Variants in AUTS2 observed in about 807,000 individuals in gnomAD.
The protein encoded by AUTS2 is activator of transcription and developmental regulator AUTS2.
Under a neutral mutation model 112.4 loss-of-function variants are expected in AUTS2, and 17 were observed. The observed-to-expected ratio is 0.15, with a 90% confidence interval of 0.10 to 0.23. AUTS2 has a LOEUF of 0.23. Among genes scored for constraint, AUTS2 ranks in the 10% least tolerant of loss-of-function variants. The pLI, the probability that AUTS2 is intolerant of heterozygous loss-of-function variation, is 1.00. For synonymous variants in AUTS2, 751 were observed against 702.7 expected, an observed-to-expected ratio of 1.07 and a Z score of -1.09; for missense variants, 1,510 against 1,701.6, an observed-to-expected ratio of 0.89 and a Z score of 1.98.
chr7:70,768,210 G>A, intron 10 of AUTS2, 142 bp downstream of exon 10: 2 of 778,332 alleles, frequency 2.6e-6, no homozygotes, highest in Non-Finnish European at 2.0e-6. Context: ...TTGGATGCTT[G>A]CTTTTGTGGT....
intron 1 of AUTS2, among the ~76,000 whole-genome samples, chr7:69,677,529 G>T (rs953515232): frequency 6.6e-6 from 1 of 152,152 alleles, no homozygotes; most frequent in Non-Finnish European, 1.5e-5. Flanking sequence ...ATGGTATCTT[G>T]TCCTTAACAA....
chr7:70,273,325 AT>A (rs1787779476), intron 4 of AUTS2, among the ~76,000 whole-genome samples: 1 of 152,316 alleles, frequency 6.6e-6, no homozygotes, highest in East Asian at 1.9e-4. Context: ...TGTCTGATTT[AT>A]AATACAACAT....
intron 6 of AUTS2, among the ~76,000 whole-genome samples, chr7:70,716,805 C>G (rs139394568): frequency 2.0e-5 from 3 of 152,156 alleles, no homozygotes; most frequent in African/African-American, 7.2e-5. Flanking sequence ...GGGCGGCAGG[C>G]TGTCAGTGTG....
At chr7:70,757,534 G>A (rs541369293) in intron 6 of AUTS2, among the ~76,000 whole-genome samples, 5 of 152,218 alleles carry the variant, frequency 3.3e-5, no homozygotes, top group African/African-American at 1.2e-4. Flanking sequence ...TTTTGGGAGG[G>A]GAGGTGAAGG....
chr7:70,769,785 C>T (rs1790218902), intron 10 of AUTS2, among the ~76,000 whole-genome samples: 1 of 152,184 alleles, frequency 6.6e-6, no homozygotes, highest in African/African-American at 2.4e-5. Flanking sequence ...GCATATTCTA[C>T]AGTCCTAGGC....
At chr7:69,781,915 C>G (rs1789158907) in intron 1 of AUTS2, among the ~76,000 whole-genome samples, 1 of 152,178 alleles carries the variant, frequency 6.6e-6, no homozygotes, top group Admixed American at 6.5e-5. Context: ...AACATGGGCT[C>G]TCTAGCAGAA....
At chr7:70,417,430 C>A (rs1418814792) in intron 4 of AUTS2, among the ~76,000 whole-genome samples, 1 of 152,154 alleles carries the variant, frequency 6.6e-6, no homozygotes, top group Admixed American at 6.5e-5. Context: ...AGAAGCACAG[C>A]GAGGCAATTT....
intron 1 of AUTS2, among the ~76,000 whole-genome samples, chr7:69,686,056 T>TC (rs1380736346): frequency 6.6e-6 from 1 of 152,198 alleles, no homozygotes; most frequent in African/African-American, 2.4e-5. Context: ...ATATTAGACT[T>TC]CATGTATGGA....
intron 4 of AUTS2, among the ~76,000 whole-genome samples, chr7:70,411,856 G>A (rs957583192): frequency 1.3e-4 from 20 of 151,574 alleles, no homozygotes; most frequent in Non-Finnish European, 2.5e-4. Flanking sequence ...GGACAAAACA[G>A]CCAACGCTGC....
At chr7:70,089,656 A>G (rs974452760) in intron 2 of AUTS2, among the ~76,000 whole-genome samples, 4 of 151,838 alleles carry the variant, frequency 2.6e-5, no homozygotes, top group Non-Finnish European at 4.4e-5. Context: ...ATTTTTTCCT[A>G]TGTTCCTCTG....
At chr7:69,984,648 T>C (rs900030358) in intron 2 of AUTS2, among the ~76,000 whole-genome samples, 3 of 152,180 alleles carry the variant, frequency 2.0e-5, no homozygotes, top group African/African-American at 7.2e-5. Context: ...CTGAGAACAG[T>C]ATCCACTGCC....
intron 5 of AUTS2, among the ~76,000 whole-genome samples, chr7:70,542,759 G>C (rs951641030): frequency 3.3e-5 from 5 of 152,202 alleles, no homozygotes; most frequent in Admixed American, 3.3e-4. Flanking sequence ...GAGGCACACA[G>C]TTATACTGAG....
At chr7:70,235,679 T>G (rs1259584693) in intron 4 of AUTS2, among the ~76,000 whole-genome samples, 2 of 150,680 alleles carry the variant, frequency 1.3e-5, no homozygotes, top group African/African-American at 4.9e-5. Context: ...TGAGACAGAG[T>G]CTCACACTGT....
At chr7:70,292,806 T>A (rs1788768133) in intron 4 of AUTS2, 1 of 152,188 alleles carries the variant, frequency 6.6e-6, no homozygotes, top group South Asian at 2.1e-4. Flanking sequence ...AAAATGGTAT[T>A]CCTTTGAGTG....
chr7:69,673,725 C>T (rs984090549), intron 1 of AUTS2, among the ~76,000 whole-genome samples: 2 of 152,178 alleles, frequency 1.3e-5, no homozygotes, highest in Admixed American at 1.3e-4. Context: ...ACTTTGCCAA[C>T]TAATAGTACT....
In AUTS2 at chr7:70,414,235, T is replaced by A. The variant is rs78337495; in HGVS notation, c.661-21517T>A. On this transcript the variant is annotated intron_variant, in intron 4 of 18. Coordinates refer to ENST00000342771, the MANE Select transcript of AUTS2 (RefSeq NM_015570.4). ...TCCCCAATGCTCCCTAAAGCTAAGT[T>A]CATTGGCCCATCATGTAGAGTAATG... Among the ~76,000 whole-genome samples the A allele has an allele frequency of 6.8e-3, 1,043 of 152,302 alleles. 17 individuals are homozygous for A. The highest frequency in any genetic ancestry group is 0.024 in the African/African-American group (1,006 of 41,556).
chr7:69,919,302 G>C (rs191772663), intron 2 of AUTS2, among the ~76,000 whole-genome samples: 1 of 152,206 alleles, frequency 6.6e-6, no homozygotes, highest in African/African-American at 2.4e-5. Flanking sequence ...ATCTGTTAAG[G>C]TTCCTCTTTC....
intron 5 of AUTS2, among the ~76,000 whole-genome samples, chr7:70,671,184 AAAAAACAAACAAAC>A (rs948020357): frequency 1.6e-4 from 24 of 152,192 alleles, no homozygotes; most frequent in African/African-American, 5.1e-4. Context: ...ACTCCGTCTC[AAAAAACAAACAAAC>A]AAAAACAAAC....
At chr7:70,555,025 G>A (rs559476696) in intron 5 of AUTS2, among the ~76,000 whole-genome samples, 1 of 152,318 alleles carries the variant, frequency 6.6e-6, no homozygotes, top group Admixed American at 6.5e-5. Flanking sequence ...TAATAGAGCT[G>A]GACACTGTGA....
Sources: allele counts gnomAD v4.1 joint callset (sites outside exome capture counted in the v4.1 genomes callset), GRCh38; gene constraint gnomAD v4.1.1; transcripts MANE v1.5; gene names NCBI Gene and HGNC (gene_info 2026-07-23, HGNC 2026-07-21).